Variants in UGT1A10 observed in about 807,000 individuals in gnomAD.
UGT1A10 encodes UDP-glucuronosyltransferase 1A10.
In UGT1A10, 49 loss-of-function variants were observed where a neutral mutation model predicts 45.8. The ratio of observed to expected loss-of-function variants is 1.07; its 90% CI spans 0.85 to 1.36. The LOEUF is 1.36. Among genes scored for constraint, UGT1A10 ranks in the 40% most tolerant of loss-of-function variants. UGT1A10 has a pLI of 0.00. For missense variants in UGT1A10, 745 were observed against 668.6 expected (o/e 1.11, Z -1.26); for synonymous variants, 284 against 249.7 (o/e 1.14, Z -1.29).
At chr2:233,696,605 CCTTTCTTT>C (rs57635371) in intron 1 of UGT1A10, among the ~76,000 whole-genome samples, 1 of 151,622 alleles carries the variant, frequency 6.6e-6, no homozygotes, top group Non-Finnish European at 1.5e-5. Context: ...ACTTGGATGC[CCTTTCTTT>C]CTTTCTTTCT....
chr2:233,662,052 A>G (rs2073981894), intron 1 of UGT1A10, among the ~76,000 whole-genome samples: 1 of 152,174 alleles, frequency 6.6e-6, no homozygotes. Flanking sequence ...GGGGGTGGCT[A>G]TGAAATTATC....
At chr2:233,743,640 A>T in intron 1 of UGT1A10, 1 of 1,367,298 alleles carries the variant, frequency 7.3e-7, no homozygotes, top group Non-Finnish European at 9.8e-7. Context: ...GGGTCGCGGA[A>T]GCTGAAGACG....
At chr2:233,763,682 G>T (rs17864705) in intron 1 of UGT1A10, among the ~76,000 whole-genome samples, 10,348 of 152,178 alleles carry the variant, frequency 0.068, 497 homozygotes, top group East Asian at 0.2. Context: ...TAAGAATAAA[G>T]ATAAAACTTT....
At chr2:233,760,458 A>C (rs1336419159) in intron 1 of UGT1A10, 1 of 1,614,212 alleles carries the variant, frequency 6.2e-7, no homozygotes, top group South Asian at 1.1e-5. Context: ...GACATGAAAT[A>C]GTTGTCCTAG....
At chr2:233,755,119 C>A (rs2125932041) in intron 1 of UGT1A10, 1 of 1,329,394 alleles carries the variant, frequency 7.5e-7, no homozygotes. Context: ...TCGTAGGCCT[C>A]AGCCACCTGC....
At chr2:233,768,188 A>G in intron 3 of UGT1A10, 32 bp from the exon 4 acceptor site, 1 of 1,614,062 alleles carries the variant, frequency 6.2e-7, no homozygotes, top group Non-Finnish European at 8.5e-7. Context: ...CAGAGATGTA[A>G]CTGCTGACAT....
intron 1 of UGT1A10, among the ~76,000 whole-genome samples, chr2:233,696,803 G>A (rs1216746624): frequency 1.3e-5 from 2 of 152,130 alleles, no homozygotes; most frequent in African/African-American, 4.8e-5. Flanking sequence ...TGTTCCTTCT[G>A]TAGCCAGTTT....
chr2:233,760,377 A>G (rs1697424081), intron 1 of UGT1A10: 2 of 1,614,124 alleles, frequency 1.2e-6, no homozygotes, highest in Admixed American at 1.7e-5. Flanking sequence ...CTGGGAAGAT[A>G]CTGTTGATCC....
At chr2:233,731,770 T>C (rs1223640583) in intron 1 of UGT1A10, among the ~76,000 whole-genome samples, 2 of 152,114 alleles carry the variant, frequency 1.3e-5, no homozygotes, top group Non-Finnish European at 2.9e-5. Context: ...CTTAGAGTAG[T>C]ATCATTTATA....
chr2:233,693,075 T>A, intron 1 of UGT1A10: 1 of 1,614,184 alleles, frequency 6.2e-7, no homozygotes, highest in South Asian at 1.1e-5. Context: ...TGGGGCATGG[T>A]TGTAGGTGAC....
chr2:233,757,203 C>G (rs1377755692), intron 1 of UGT1A10, among the ~76,000 whole-genome samples: 1 of 149,926 alleles, frequency 6.7e-6, no homozygotes, highest in Non-Finnish European at 1.5e-5. Context: ...TTTTCTGTGC[C>G]CAGGAAGCTG....
chr2:233,758,000 G>A (rs956611939), intron 1 of UGT1A10, among the ~76,000 whole-genome samples: 37 of 152,052 alleles, frequency 2.4e-4, no homozygotes, highest in Admixed American at 5.2e-4. Context: ...GTAATTGCCT[G>A]GTCATGAGTT....
intron 1 of UGT1A10, among the ~76,000 whole-genome samples, chr2:233,750,359 T>C (rs1390894315): frequency 6.6e-6 from 1 of 151,860 alleles, no homozygotes; most frequent in Non-Finnish European, 1.5e-5. Context: ...AACTTATGTT[T>C]AAAAGGGAAG....
Position 233,672,870 on chromosome 2 carries a change from G to A in UGT1A10, c.855+35493G>A. 4.6e-6 allele frequency: 7 copies of A among 1,518,468 alleles called. No individual in the cohort carries two copies. The South Asian group carries it at 8.2e-5, about 18-fold the overall frequency. The allele number at this position is 1,518,468 out of a possible 1,614,324, so 94.1% of individuals were successfully genotyped here. The stretch of plus-strand genomic sequence containing the variant: ...AGGATTCTTTACTGAACTGTGATTT[G>A]ACATTTTCATTTGTTTCATTTCAAA... On this transcript the variant is annotated intron_variant, in intron 1 of 4. Coordinates refer to ENST00000344644, the MANE Select transcript of UGT1A10 (RefSeq NM_019075.4).
chr2:233,763,841 T>C (rs1452550547), intron 1 of UGT1A10, among the ~76,000 whole-genome samples: 1 of 152,178 alleles, frequency 6.6e-6, no homozygotes, highest in Admixed American at 6.5e-5. Context: ...CAGGGTAAGA[T>C]AGCAGTGGTT....
rs1575663531 is a variant in UGT1A10, at chr2:233,744,064, T to A, written c.856-22970T>A. ...GCCACATCTCATTGGTCGAGGCCTATGAGCGCCTCGCATCCCAAGATGCAG... is the reference window on the plus strand; with the variant it reads ...GCCACATCTCATTGGTCGAGGCCTAAGAGCGCCTCGCATCCCAAGATGCAG... On this transcript the variant is annotated intron_variant, in intron 1 of 4. Transcript: ENST00000344644. 7.1e-6 allele frequency: 4 copies of A among 560,044 alleles called. No homozygotes were observed. In the East Asian group the frequency reaches 2.1e-4, roughly 29 times the overall value. 34.7% of individuals were successfully genotyped at this position (560,044 alleles called of 1,614,324 possible). A position where few individuals can be genotyped will look rare whatever the true frequency, so the allele number is the denominator to read the frequency against.
chr2:233,682,399 C>T, intron 1 of UGT1A10: 3 of 1,613,850 alleles, frequency 1.9e-6, no homozygotes, highest in Non-Finnish European at 2.5e-6. Flanking sequence ...ATGCCTGTGG[C>T]TTAATTGTTG....
intron 1 of UGT1A10, among the ~76,000 whole-genome samples, chr2:233,694,854 G>A (rs1014624976): frequency 6.6e-6 from 1 of 152,100 alleles, no homozygotes; most frequent in African/African-American, 2.4e-5. Context: ...CTTTTAATTG[G>A]GACATAATAT....
intron 1 of UGT1A10, among the ~76,000 whole-genome samples, chr2:233,759,429 C>A (rs1193069176): frequency 1.3e-5 from 2 of 152,114 alleles, no homozygotes; most frequent in Admixed American, 6.5e-5. Context: ...GGCCAGTTGG[C>A]TCTATTTTAA....
Sources: gnomAD v4.1 joint callset for allele counts (sites outside exome capture counted in the v4.1 genomes callset) on GRCh38, gnomAD v4.1.1 for gene constraint, MANE v1.5 for transcripts, NCBI Gene and HGNC (gene_info 2026-07-23, HGNC 2026-07-21) for gene names.